CHIC2: variants seen among roughly 807,000 people sequenced by gnomAD.
The protein encoded by CHIC2 is cysteine-rich hydrophobic domain-containing protein 2.
In CHIC2, 14 loss-of-function variants were observed where a neutral mutation model predicts 25.9. The observed-to-expected ratio is 0.54, with a 90% CI of 0.36 to 0.85. The LOEUF (loss-of-function observed/expected upper bound fraction) is 0.85, where lower values mean the gene tolerates loss of function less well. Among genes scored for constraint, CHIC2 ranks in the 40% least tolerant of loss-of-function variants. The probability of loss-of-function intolerance (pLI) is 0.01; values close to 1 mark genes in which losing one functional copy is unlikely to be tolerated. For synonymous variants in CHIC2, 70 were observed against 72.0 expected, an observed-to-expected ratio of 0.97 and a Z score of 0.14; for missense variants, 146 against 202.0, an observed-to-expected ratio of 0.72 and a Z score of 1.68.
upstream of CHIC2, among the ~76,000 whole-genome samples, chr4:54,066,948 T>A (rs1216182335): frequency 6.6e-6 from 1 of 152,254 alleles, no homozygotes; most frequent in East Asian, 1.9e-4. Context: ...CCAAAGTATC[T>A]AAATCATCAC....
At chr4:54,064,707 G>C (rs1052359856), upstream of CHIC2, 239 of 983,874 alleles carry the variant, frequency 2.4e-4, 1 homozygote, top group Non-Finnish European at 2.9e-4. The surrounding 1 kb of genome is among the most constrained non-coding windows in gnomAD (Gnocchi z 4.2). Context: ...GCGCGTGGGC[G>C]AGCGGACTGG....
intron 3 of CHIC2, among the ~76,000 whole-genome samples, chr4:54,047,850 A>C (rs1350471985): frequency 2.6e-5 from 4 of 151,990 alleles, no homozygotes; most frequent in Non-Finnish European, 4.4e-5. Flanking sequence ...ATTTTTAAAA[A>C]ATAAAATTTA....
At chr4:54,087,173 A>G in the CHIC2 span, 1 of 734,128 alleles carries the variant, frequency 1.4e-6, no homozygotes, top group Admixed American at 1.8e-5. Flanking sequence ...GACTCCTGGA[A>G]ACAGATATGG....
intron 1 of CHIC2, among the ~76,000 whole-genome samples, chr4:54,056,618 T>C (rs1370877563): frequency 3.3e-5 from 5 of 152,144 alleles, no homozygotes; most frequent in Admixed American, 2.6e-4. Context: ...TCACTATATA[T>C]AGTACATTCA....
the CHIC2 span, among the ~76,000 whole-genome samples, chr4:54,085,778 C>T: frequency 1.3e-5 from 2 of 152,074 alleles, no homozygotes; most frequent in African/African-American, 2.4e-5. Context: ...TTAGAAGCAT[C>T]CACAGTAAAT....
At position 54,028,713 on chromosome 4, in the gene CHIC2, C is replaced by G. The variant is rs145409226; in HGVS notation, c.331-14594G>C. 9.9e-4 allele frequency among the ~76,000 whole-genome samples: 151 copies of G among 152,306 alleles called. 1 individual carries two copies. The highest frequency in any genetic ancestry group is 5.4e-3 in the Admixed American group (83 of 15,300). ...TCTATTATTTCATTGCATATCAACA[C>G]ATATTTTCCATTTTATAGCAAAATC... On this transcript the variant is annotated intron_variant, in intron 3 of 5. Coordinates refer to ENST00000263921, the MANE Select transcript of CHIC2 (RefSeq NM_012110.4).
intron 3 of CHIC2, among the ~76,000 whole-genome samples, chr4:54,030,210 T>C (rs1716181089): frequency 6.6e-6 from 1 of 152,156 alleles, no homozygotes; most frequent in Non-Finnish European, 1.5e-5. Context: ...CTAAGAAACC[T>C]ATATTAAAAT....
intron 5 of CHIC2, among the ~76,000 whole-genome samples, chr4:54,011,256 AAAG>A (rs952103941): frequency 6.6e-6 from 1 of 152,128 alleles, no homozygotes; most frequent in Non-Finnish European, 1.5e-5. Flanking sequence ...CTGCCTCAAT[AAAG>A]AAGATACACT....
At chr4:54,080,156 G>GTATGTGTATATATATATGTGTATATA in the CHIC2 span, among the ~76,000 whole-genome samples, 1 of 141,220 alleles carries the variant, frequency 7.1e-6, no homozygotes, top group Non-Finnish European at 1.6e-5. Flanking sequence ...ATGTGTATAT[G>GTATGTGTATATATATATGTGTATATA]TATGTGTATA....
chr4:54,021,196 T>C (rs536273783), intron 3 of CHIC2, among the ~76,000 whole-genome samples: 6 of 152,178 alleles, frequency 3.9e-5, no homozygotes, highest in Non-Finnish European at 5.9e-5. Context: ...ACAAACTCGA[T>C]AATGGTTCTA....
At chr4:54,052,187 C>T (rs978853390) in intron 1 of CHIC2, among the ~76,000 whole-genome samples, 16 of 151,994 alleles carry the variant, frequency 1.1e-4, no homozygotes, top group Admixed American at 5.9e-4. Flanking sequence ...TTTAGCAAGA[C>T]GGTCTTATTT....
At chr4:54,028,471 C>G (rs540110195) in intron 3 of CHIC2, among the ~76,000 whole-genome samples, 1 of 152,112 alleles carries the variant, frequency 6.6e-6, no homozygotes, top group Non-Finnish European at 1.5e-5. Flanking sequence ...TTAAAATAAT[C>G]TGAATATCTG....
At chr4:54,049,195 T>C in intron 2 of CHIC2, 56 bp downstream of exon 2, 1 of 1,565,778 alleles carries the variant, frequency 6.4e-7, no homozygotes, top group African/African-American at 1.4e-5. Context: ...TCTAATTTTC[T>C]CAGAAAAAAA....
intron 3 of CHIC2, among the ~76,000 whole-genome samples, chr4:54,023,992 G>T (rs1052450788): frequency 9.2e-5 from 14 of 152,154 alleles, no homozygotes; most frequent in Non-Finnish European, 1.0e-4. Flanking sequence ...AAAGGTGTCA[G>T]ATCTCATCGT....
chr4:54,087,143 AC>A, the CHIC2 span: 1 of 796,958 alleles, frequency 1.3e-6, no homozygotes, highest in Non-Finnish European at 2.2e-6. Flanking sequence ...CGTGAGGAAG[AC>A]CAGAAAGAAC....
At chr4:54,082,735 C>T in the CHIC2 span, among the ~76,000 whole-genome samples, 1 of 152,222 alleles carries the variant, frequency 6.6e-6, no homozygotes, top group South Asian at 2.1e-4. Flanking sequence ...ATAGTAAGTA[C>T]TGGATTATCC....
chr4:54,062,570 T>A (rs1354715943), intron 1 of CHIC2, among the ~76,000 whole-genome samples: 4 of 152,190 alleles, frequency 2.6e-5, no homozygotes, highest in Non-Finnish European at 1.5e-5. Context: ...TCTGAGCACT[T>A]TGCCCACTAT....
chr4:54,052,400 G>A (rs140685613), intron 1 of CHIC2, among the ~76,000 whole-genome samples: 46 of 152,248 alleles, frequency 3.0e-4, no homozygotes, highest in African/African-American at 1.1e-3. Context: ...CATTATAAAT[G>A]TACCTACAAG....
chr4:54,041,810 C>T (rs1047133410), intron 3 of CHIC2, among the ~76,000 whole-genome samples: 3 of 151,808 alleles, frequency 2.0e-5, no homozygotes, highest in Non-Finnish European at 4.4e-5. Flanking sequence ...GCAAATAAAA[C>T]GTTAAAAATC....
Sources: gnomAD v4.1 joint callset for allele counts (sites outside exome capture counted in the v4.1 genomes callset) on GRCh38, gnomAD v4.1.1 for gene constraint, Gnocchi (gnomAD v3.1) non-coding constraint, MANE v1.5 for transcripts, NCBI Gene and HGNC (gene_info 2026-07-23, HGNC 2026-07-21) for gene names.